PBX1: variants seen among roughly 807,000 people sequenced by gnomAD.
PBX1 encodes PBX homeobox 1.
PBX1 carries 6 observed loss-of-function variants against 53.4 expected under a neutral mutation model. The observed-to-expected ratio is 0.11, with a 90% CI of 0.06 to 0.22. The LOEUF is 0.22. Ranked by LOEUF, PBX1 falls within the 10% of genes least tolerant of loss-of-function variation. PBX1 has a pLI of 1.00. For synonymous variants in PBX1, 204 were observed against 212.3 expected, an observed-to-expected ratio of 0.96 and a Z score of 0.34; for missense variants, 251 against 551.4, an observed-to-expected ratio of 0.46 and a Z score of 5.46.
downstream of PBX1, among the ~76,000 whole-genome samples, chr1:164,852,153 A>G (rs570573235): frequency 6.6e-6 from 1 of 152,184 alleles, no homozygotes; most frequent in Admixed American, 6.5e-5. Flanking sequence ...AATAAATTCT[A>G]AGTTCCTAAG....
intron 2 of PBX1, among the ~76,000 whole-genome samples, chr1:164,782,347 G>A (rs1461372048): frequency 6.6e-6 from 1 of 152,200 alleles, no homozygotes; most frequent in Non-Finnish European, 1.5e-5. Flanking sequence ...GCACACCTCT[G>A]TCTATGGCTG....
At position 164,847,591 on chromosome 1, in the gene PBX1, C is replaced by A; in HGVS notation, c.*915C>A. The A allele has an allele frequency of 9.4e-7, 1 of 1,062,948 alleles. No homozygotes were observed. 65.8% of individuals were successfully genotyped at this position (1,062,948 alleles called of 1,614,324 possible). A position where few individuals can be genotyped will look rare whatever the true frequency, so the allele number is the denominator to read the frequency against. On this transcript the variant is annotated 3_prime_UTR_variant, in exon 9 of 9. Transcript: ENST00000420696. ...GGAATAGAAAGTTCTTATCGTGAAA[C>A]CCTTCAACCTCAACTATGCCTTCAT...
chr1:164,741,958 A>G (rs1051874798), intron 2 of PBX1, among the ~76,000 whole-genome samples: 9 of 152,038 alleles, frequency 5.9e-5, no homozygotes, highest in African/African-American at 2.2e-4. Context: ...ACTATATTCT[A>G]TCTGGAAAAA....
At chr1:164,827,369 C>G (rs1252754906) in intron 8 of PBX1, among the ~76,000 whole-genome samples, 1 of 152,174 alleles carries the variant, frequency 6.6e-6, no homozygotes, top group African/African-American at 2.4e-5. Context: ...GATGTGCCCC[C>G]CAGTTGGTTG....
chr1:164,776,978 AG>A (rs1553244688), intron 2 of PBX1, among the ~76,000 whole-genome samples: 685 of 46,120 alleles, frequency 0.015, 1 homozygote, highest in Non-Finnish European at 0.016. Context: ...AGAGAGAGAG[AG>A]GAGGTGTGGG....
intron 2 of PBX1, among the ~76,000 whole-genome samples, chr1:164,598,488 C>T (rs768868304): frequency 6.6e-6 from 1 of 152,112 alleles, no homozygotes; most frequent in African/African-American, 2.4e-5. Context: ...GGATGACTAC[C>T]GGCACTCTTA....
At chr1:164,601,400 A>G (rs1656166008) in intron 2 of PBX1, among the ~76,000 whole-genome samples, 1 of 152,112 alleles carries the variant, frequency 6.6e-6, no homozygotes, top group South Asian at 2.1e-4. Flanking sequence ...GTTCTTTCTG[A>G]GGCATCCGAC....
At chr1:164,819,954 A>G in intron 6 of PBX1, 118 bp from the exon 7 acceptor site, 1 of 636,614 alleles carries the variant, frequency 1.6e-6, no homozygotes, top group South Asian at 2.0e-5. Flanking sequence ...TGTTATTTTT[A>G]TTTTAGTTTT....
chr1:164,828,232 T>A (rs557104949), intron 8 of PBX1, among the ~76,000 whole-genome samples: 37 of 152,278 alleles, frequency 2.4e-4, no homozygotes, highest in African/African-American at 8.2e-4. Context: ...ATGATCACAC[T>A]AAACAGTATC....
intron 2 of PBX1, chr1:164,640,972 A>G (rs1022879350): frequency 2.0e-5 from 3 of 152,620 alleles, no homozygotes; most frequent in African/African-American, 7.2e-5. Flanking sequence ...AAAGCTGTCA[A>G]AGTTATAGCT....
intron 2 of PBX1, among the ~76,000 whole-genome samples, chr1:164,587,369 G>C (rs1171814591): frequency 6.6e-6 from 1 of 152,104 alleles, no homozygotes; most frequent in African/African-American, 2.4e-5. Flanking sequence ...TGGGGGTCTT[G>C]GCTGTCTCAT....
intron 2 of PBX1, among the ~76,000 whole-genome samples, chr1:164,611,490 G>A (rs1656925766): frequency 2.0e-5 from 3 of 151,940 alleles, no homozygotes; most frequent in Non-Finnish European, 4.4e-5. Context: ...CGCCCGCCTC[G>A]GCCTCCCAAA....
chr1:164,851,240 A>T lies in PBX1; in HGVS notation c.*4564A>T, dbSNP rs996481212. 1 of 209,832 alleles carries T rather than the reference A, an allele frequency of 4.8e-6. No homozygotes were observed. Among genetic ancestry groups the T allele is most frequent in the Non-Finnish European group, 9.7e-6 (1 of 103,302 alleles). The allele number at this position is 209,832 out of a possible 1,614,324, so 13.0% of individuals were successfully genotyped here. A position where few individuals can be genotyped will look rare whatever the true frequency, so the allele number is the denominator to read the frequency against. On this transcript the variant is annotated 3_prime_UTR_variant, in exon 9 of 9. Transcript: ENST00000420696. The stretch of plus-strand genomic sequence containing the variant: ...AGAAAGCCATATTATCTGGAAAAAA[A>T]TTCATTTTAAATACCATCATTCAAC...
intron 2 of PBX1, among the ~76,000 whole-genome samples, chr1:164,608,453 A>T (rs1656696595): frequency 6.6e-6 from 1 of 152,208 alleles, no homozygotes; most frequent in South Asian, 2.1e-4. Flanking sequence ...AGAATGCCAG[A>T]TTTTAATGAT....
At chr1:164,638,508 C>T (rs937676132) in intron 2 of PBX1, among the ~76,000 whole-genome samples, 1 of 152,210 alleles carries the variant, frequency 6.6e-6, no homozygotes, top group Non-Finnish European at 1.5e-5. Flanking sequence ...GGTGCTGCCT[C>T]TACTGAGCCC....
In PBX1 at chr1:164,559,799, C is replaced by CG. The variant is rs1557859728; in HGVS notation, c.-19dup. The CG allele has an allele frequency of 1.3e-6, 2 of 1,525,174 alleles. No homozygotes were observed. Among genetic ancestry groups the CG allele is most frequent in the African/African-American group, 2.8e-5 (2 of 71,442 alleles). The allele number at this position is 1,525,174 out of a possible 1,614,324, so 94.5% of individuals were successfully genotyped here. A position where few individuals can be genotyped will look rare whatever the true frequency, so the allele number is the denominator to read the frequency against. On this transcript the variant is annotated 5_prime_UTR_variant, in exon 1 of 9. Coordinates refer to ENST00000420696, the MANE Select transcript of PBX1 (RefSeq NM_002585.4). ...AGCCGAGGAGCAGAAGAGGAAGAGC[C>CG]GGGGGCTGCCGTAGCCTTTGGAGAT... is the stretch of plus-strand genomic sequence containing the variant.
At chr1:164,874,220 T>C (rs1672450756) in intron 2 of PBX1, among the ~76,000 whole-genome samples, 1 of 152,118 alleles carries the variant, frequency 6.6e-6, no homozygotes, top group African/African-American at 2.4e-5. Flanking sequence ...TATAACTTAA[T>C]ATAAGAACTT....
At chr1:164,714,950 A>G (rs71628346) in intron 2 of PBX1, among the ~76,000 whole-genome samples, 29,417 of 151,946 alleles carry the variant, frequency 0.19, 3,107 homozygotes, top group South Asian at 0.35. Flanking sequence ...TTCAAAATAA[A>G]TCCCTTAACT....
intron 7 of PBX1, 104 bp from the exon 8 acceptor site, chr1:164,821,433 A>G: frequency 1.2e-6 from 1 of 855,718 alleles, no homozygotes. Flanking sequence ...AAATGATTGC[A>G]TTAATATGGC....
Sources: allele counts gnomAD v4.1 joint callset (sites outside exome capture counted in the v4.1 genomes callset), GRCh38; gene constraint gnomAD v4.1.1; transcripts MANE v1.5; gene names NCBI Gene and HGNC (gene_info 2026-07-23, HGNC 2026-07-21).